The following RBFOX1 variants were observed in gnomAD, a reference collection of about 807,000 sequenced individuals.
The protein encoded by RBFOX1 is RNA binding fox-1 homolog 1.
In RBFOX1, 8 loss-of-function variants were observed where a neutral mutation model predicts 57.7. The observed-to-expected ratio is 0.14, with a 90% confidence interval of 0.08 to 0.25. The LOEUF (loss-of-function observed/expected upper bound fraction) is 0.25. Among genes scored for constraint, RBFOX1 ranks in the 10% least tolerant of loss-of-function variants. The pLI, the probability that RBFOX1 is intolerant of heterozygous loss-of-function variation, is 1.00. For missense variants in RBFOX1, 611 were observed against 548.5 expected (o/e 1.11, Z -1.14); for synonymous variants, 326 against 222.4 (o/e 1.47, Z -4.15).
At chr16:7,047,807 ACTT>A (rs1031300799) in intron 3 of RBFOX1, among the ~76,000 whole-genome samples, 1 of 107,136 alleles carries the variant, frequency 9.3e-6, no homozygotes, top group African/African-American at 3.5e-5. Context: ...ACTCAAGTTT[ACTT>A]CTTTTTCTTC....
At chr16:7,565,036 C>T (rs1368687277) in intron 5 of RBFOX1, among the ~76,000 whole-genome samples, 1 of 152,088 alleles carries the variant, frequency 6.6e-6, no homozygotes, top group East Asian at 1.9e-4. Flanking sequence ...TATTTGTTTG[C>T]CGACGGAGCT....
At chr16:5,312,867 C>T (rs1013235745) in intron 1 of RBFOX1, among the ~76,000 whole-genome samples, 6 of 152,328 alleles carry the variant, frequency 3.9e-5, no homozygotes, top group Middle Eastern at 6.8e-3. Flanking sequence ...AATAGAGAGG[C>T]GGACACTGCA....
intron 3 of RBFOX1, among the ~76,000 whole-genome samples, chr16:6,818,768 A>G (rs1333185624): frequency 6.6e-6 from 1 of 152,128 alleles, no homozygotes; most frequent in East Asian, 1.9e-4. Context: ...GGGGAGTGTG[A>G]TCGAGGCCTG....
At chr16:6,760,615 A>T (rs913352458) in intron 3 of RBFOX1, among the ~76,000 whole-genome samples, 1 of 152,228 alleles carries the variant, frequency 6.6e-6, no homozygotes, top group Admixed American at 6.5e-5. Flanking sequence ...GACTTGAAGT[A>T]CTAGACTGAA....
At chr16:6,246,228 A>C (rs974515301) in intron 1 of RBFOX1, among the ~76,000 whole-genome samples, 1 of 152,124 alleles carries the variant, frequency 6.6e-6, no homozygotes, top group Non-Finnish European at 1.5e-5. Flanking sequence ...AAGCTTTGTG[A>C]CTGGAACTGA....
chr16:7,333,279 A>G (rs1475542488), intron 4 of RBFOX1, among the ~76,000 whole-genome samples: 1 of 152,248 alleles, frequency 6.6e-6, no homozygotes, highest in Non-Finnish European at 1.5e-5. Flanking sequence ...ATGGCTGAAT[A>G]AATGGTGTAG....
At chr16:6,173,661 G>A (rs1185489415) in intron 1 of RBFOX1, among the ~76,000 whole-genome samples, 1 of 142,826 alleles carries the variant, frequency 7.0e-6, no homozygotes, top group Non-Finnish European at 1.5e-5. Flanking sequence ...TCAGGCTGGA[G>A]TGCAGTGGCA....
chr16:6,951,877 G>GT (rs2080841264), intron 3 of RBFOX1, among the ~76,000 whole-genome samples: 3 of 150,652 alleles, frequency 2.0e-5, no homozygotes, highest in African/African-American at 7.5e-5. Context: ...GGGATTACAG[G>GT]CATATGCACC....
chr16:7,252,417 C>T (rs944501899), intron 4 of RBFOX1, among the ~76,000 whole-genome samples: 2 of 152,188 alleles, frequency 1.3e-5, no homozygotes, highest in South Asian at 2.1e-4. Context: ...ACTGACAGTT[C>T]CTAGGCCTTT....
intron 3 of RBFOX1, among the ~76,000 whole-genome samples, chr16:5,656,703 T>C (rs958651649): frequency 6.6e-6 from 1 of 152,230 alleles, no homozygotes; most frequent in African/African-American, 2.4e-5. Flanking sequence ...CTTCTCTTCA[T>C]CCATACCCCT....
At chr16:6,889,742 A>C (rs1037621868) in intron 3 of RBFOX1, among the ~76,000 whole-genome samples, 3 of 152,182 alleles carry the variant, frequency 2.0e-5, no homozygotes, top group Non-Finnish European at 4.4e-5. Flanking sequence ...TAATCTTGGA[A>C]TAGACCCTTC....
chr16:6,782,373 A>C (rs550499442), intron 3 of RBFOX1, among the ~76,000 whole-genome samples: 3 of 152,120 alleles, frequency 2.0e-5, no homozygotes, highest in Non-Finnish European at 2.9e-5. Context: ...GTTTCTACTA[A>C]ATTTCCTTCT....
rs547090955 is a variant in RBFOX1, at chr16:6,980,395, A to G, written c.-15-71662A>G. ...TTTTCTAATCTTATCTTTTTCCTTC[A>G]TGAGAGTTTACTTGCCATTTTCAAA... On this transcript the variant is annotated intron_variant, in intron 3 of 15. Coordinates refer to ENST00000550418, the MANE Select transcript of RBFOX1 (RefSeq NM_018723.4). Among the ~76,000 whole-genome samples, 8 of 152,138 alleles carry G rather than the reference A, an allele frequency of 5.3e-5. No individual in the cohort carries two copies. In the South Asian group the frequency reaches 8.3e-4, roughly 16 times the overall value.
At chr16:7,558,963 C>T (rs918341117) in intron 5 of RBFOX1, among the ~76,000 whole-genome samples, 74 of 152,144 alleles carry the variant, frequency 4.9e-4, no homozygotes, top group African/African-American at 1.7e-3. Context: ...ATTTTTTTCC[C>T]TACTTTTAAA....
At chr16:5,822,668 C>G (rs915887828) in intron 3 of RBFOX1, among the ~76,000 whole-genome samples, 1 of 152,146 alleles carries the variant, frequency 6.6e-6, no homozygotes, top group Non-Finnish European at 1.5e-5. Context: ...GGAATTATGT[C>G]TTGTGTCTGT....
intron 4 of RBFOX1, among the ~76,000 whole-genome samples, chr16:7,248,063 A>G (rs1328986720): frequency 6.6e-6 from 1 of 152,248 alleles, no homozygotes; most frequent in Non-Finnish European, 1.5e-5. Context: ...TTAAAAAAAT[A>G]GAATATGGTT....
In RBFOX1 at chr16:7,279,429, C is replaced by T. The variant is rs187732148; in HGVS notation, c.27+227331C>T. ...TGCGTAAGCCAGGCTTTCTGTTACT[C>T]GTTTATTCAGCCGGCATTTACTGAG... On this transcript the variant is annotated intron_variant, in intron 4 of 15. Coordinates refer to ENST00000550418, the MANE Select transcript of RBFOX1 (RefSeq NM_018723.4). Among the ~76,000 whole-genome samples, 12 of 152,218 alleles carry T rather than the reference C, an allele frequency of 7.9e-5. No homozygotes were observed. The East Asian group carries it at 1.4e-3, about 17-fold the overall frequency.
At position 5,612,881 on chromosome 16, in the gene RBFOX1, A is replaced by T. The variant is rs369694835; in HGVS notation, c.318+13920A>T. ...CTCATCATTTGGGGTTCTTTTTCCTAACGAGGTCTCCTAAATTGACCTAGG... is the reference window on the plus strand; with the variant it reads ...CTCATCATTTGGGGTTCTTTTTCCTTACGAGGTCTCCTAAATTGACCTAGG... On this transcript the variant is annotated intron_variant, in intron 3 of 19. Transcript: ENST00000641259. 2.3e-3 allele frequency among the ~76,000 whole-genome samples: 355 copies of T among 152,334 alleles called. 1 individual carries two copies. Among genetic ancestry groups the T allele is most frequent in the African/African-American group, 8.2e-3 (343 of 41,576 alleles).
At chr16:5,751,730 G>A (rs759410249) in intron 3 of RBFOX1, among the ~76,000 whole-genome samples, 2 of 152,178 alleles carry the variant, frequency 1.3e-5, no homozygotes, top group African/African-American at 2.4e-5. Context: ...TTGCAATTAA[G>A]TAAGAGAACT....
Sources: gnomAD v4.1 joint callset for allele counts (sites outside exome capture counted in the v4.1 genomes callset) on GRCh38, gnomAD v4.1.1 for gene constraint, MANE v1.5 for transcripts, NCBI Gene and HGNC (gene_info 2026-07-23, HGNC 2026-07-21) for gene names.